The following CNTN4 variants were observed in gnomAD, a reference collection of about 807,000 sequenced individuals.
CNTN4 encodes contactin 4.
A neutral mutation model predicts 122.5 loss-of-function variants in CNTN4; 77 were observed. The ratio of observed to expected loss-of-function variants is 0.63; its 90% CI spans 0.52 to 0.76. The LOEUF is 0.76. Ranked by LOEUF, CNTN4 falls within the 30% of genes least tolerant of loss-of-function variation. The pLI is 0.00. For synonymous variants in CNTN4, 512 were observed against 447.0 expected, an observed-to-expected ratio of 1.15 and a Z score of -1.83; for missense variants, 1,256 against 1,259.1, an observed-to-expected ratio of 1.00 and a Z score of 0.04.
At chr3:2,487,750 A>G (rs761287654) in intron 3 of CNTN4, among the ~76,000 whole-genome samples, 3 of 152,232 alleles carry the variant, frequency 2.0e-5, no homozygotes, top group Non-Finnish European at 4.4e-5. Context: ...TTTGAAATAC[A>G]TGAGAAACTG....
intron 3 of CNTN4, among the ~76,000 whole-genome samples, chr3:2,400,675 G>A (rs1442012604): frequency 1.3e-5 from 2 of 150,364 alleles, no homozygotes; most frequent in Non-Finnish European, 3.0e-5. Flanking sequence ...TGGTGCAAAA[G>A]CCATGACTAT....
At chr3:2,950,239 A>G (rs4684373) in intron 13 of CNTN4, among the ~76,000 whole-genome samples, 77,017 of 152,060 alleles carry the variant, frequency 0.51, 21,153 homozygotes, top group Non-Finnish European at 0.62. Flanking sequence ...ATGTGCTGAC[A>G]TGGGAGTTGC....
rs140346972 is a variant in CNTN4, at chr3:2,113,450, T to C, written c.-145+12811T>C. ...GCTTGTGAGAAATGCAGAAATTTTT[T>C]CCTCACGCAGATGCACTGTATCAGA... On this transcript the variant is annotated intron_variant, in intron 2 of 24. Transcript: ENST00000418658. Among the ~76,000 whole-genome samples the C allele has an allele frequency of 1.4e-4, 21 of 152,358 alleles. No homozygotes were observed. The East Asian group carries it at 3.7e-3, about 27-fold the overall frequency.
intron 13 of CNTN4, among the ~76,000 whole-genome samples, chr3:2,961,767 C>T (rs946302891): frequency 6.6e-6 from 1 of 152,130 alleles, no homozygotes; most frequent in Non-Finnish European, 1.5e-5. Flanking sequence ...AATAAGCAGA[C>T]TGGAGTTTAG....
chr3:2,232,395 G>A (rs1352136801), intron 2 of CNTN4, among the ~76,000 whole-genome samples: 4 of 152,102 alleles, frequency 2.6e-5, no homozygotes, highest in Non-Finnish European at 5.9e-5. Flanking sequence ...TACTCCAAAT[G>A]TTTGATGAGT....
At chr3:2,338,265 T>C (rs570650866) in intron 2 of CNTN4, among the ~76,000 whole-genome samples, 17 of 152,148 alleles carry the variant, frequency 1.1e-4, no homozygotes, top group African/African-American at 4.1e-4. Context: ...GTATTTAATA[T>C]AGAGATGAAT....
chr3:2,659,003 C>T (rs2083740500), intron 4 of CNTN4, among the ~76,000 whole-genome samples: 1 of 146,718 alleles, frequency 6.8e-6, no homozygotes, highest in Non-Finnish European at 1.5e-5. Context: ...CACACACACA[C>T]ACACACAGAA....
rs149298494 is a variant in CNTN4, at chr3:2,997,050, T to G, written c.1486+8578T>G. Among the ~76,000 whole-genome samples the G allele has an allele frequency of 8.4e-3, 1,283 of 152,314 alleles. 60 individuals are homozygous for G. Among genetic ancestry groups the G allele is most frequent in the Admixed American group, 0.077 (1,176 of 15,294 alleles). The stretch of plus-strand genomic sequence containing the variant: ...CTATTCCTTTACTGAAGGAAAGAAA[T>G]GGTTTATGTTAAGCTTTTCAGTTCA... On this transcript the variant is annotated intron_variant, in intron 14 of 24. Transcript: ENST00000418658.
chr3:2,273,606 C>T (rs955650571), intron 2 of CNTN4, among the ~76,000 whole-genome samples: 2 of 152,140 alleles, frequency 1.3e-5, no homozygotes, highest in African/African-American at 4.8e-5. Flanking sequence ...CTTGAATATT[C>T]AAGTTTGTTT....
intron 3 of CNTN4, among the ~76,000 whole-genome samples, chr3:2,542,306 T>C (rs2078064030): frequency 6.6e-6 from 1 of 152,112 alleles, no homozygotes; most frequent in African/African-American, 2.4e-5. Flanking sequence ...AAATCTCTAA[T>C]AGTCAGATAG....
At position 2,769,464 on chromosome 3, in the gene CNTN4, CAA is replaced by C. The variant is rs71058643; in HGVS notation, c.358+23780_358+23781del. 8.0e-4 allele frequency among the ~76,000 whole-genome samples: 109 copies of C among 137,040 alleles called. 1 individual carries two copies. Among genetic ancestry groups the C allele is most frequent in the African/African-American group, 2.8e-3 (104 of 36,694 alleles). 89.9% of individuals were successfully genotyped at this position (137,040 alleles called of 152,430 possible). On this transcript the variant is annotated intron_variant, in intron 6 of 24. Coordinates refer to ENST00000418658, the MANE Select transcript of CNTN4 (RefSeq NM_175607.3). ...TGGGCAACAGAGTGAGACTCTGTCT[CAA>C]AAAAAAAAAAAACAGAAACAAAACA...
At chr3:2,880,239 A>G (rs895240136) in intron 8 of CNTN4, among the ~76,000 whole-genome samples, 1 of 152,180 alleles carries the variant, frequency 6.6e-6, no homozygotes, top group Non-Finnish European at 1.5e-5. Context: ...AAACCTGACC[A>G]CTTCTAAGAC....
chr3:3,038,902 G>T (rs749539845), intron 18 of CNTN4, 31 bp from the exon 19 acceptor site: 14 of 1,608,278 alleles, frequency 8.7e-6, no homozygotes, highest in Non-Finnish European at 1.2e-5. Context: ...TTTGCCGCCT[G>T]ACATAACTTG....
chr3:2,657,716 G>A (rs2083658449), intron 4 of CNTN4, among the ~76,000 whole-genome samples: 1 of 152,076 alleles, frequency 6.6e-6, no homozygotes, highest in Non-Finnish European at 1.5e-5. Flanking sequence ...GGTAGAGATA[G>A]ATATTCAAAA....
At chr3:2,759,713 C>CAAAA (rs71058642) in intron 6 of CNTN4, among the ~76,000 whole-genome samples, 1 of 141,834 alleles carries the variant, frequency 7.1e-6, no homozygotes, top group Non-Finnish European at 1.5e-5. Context: ...GACTCTGTCT[C>CAAAA]AAAAAAAAAA....
chr3:2,810,346 T>C (rs2092575084), intron 6 of CNTN4, among the ~76,000 whole-genome samples: 1 of 152,188 alleles, frequency 6.6e-6, no homozygotes, highest in South Asian at 2.1e-4. Flanking sequence ...GTGGTTAAAT[T>C]GCCAAAGTTA....
In CNTN4 at chr3:2,385,494, T is replaced by C. The variant is rs1396956893; in HGVS notation, c.-89+46261T>C. On this transcript the variant is annotated intron_variant, in intron 3 of 24. Coordinates refer to ENST00000418658, the MANE Select transcript of CNTN4 (RefSeq NM_175607.3). This position sits in a 1 kb window ranked among gnomAD's most constrained non-coding sequence, Gnocchi z 4.0. ...CCACAGCAAAGTACCATACACAGGG[T>C]GACTTAAAATGACAGAAGTTTATTC... Among the ~76,000 whole-genome samples, 2 of 152,028 alleles carry C rather than the reference T, an allele frequency of 1.3e-5. No homozygotes were observed. The highest frequency in any genetic ancestry group is 2.9e-5 in the Non-Finnish European group (2 of 68,030).
intron 7 of CNTN4, among the ~76,000 whole-genome samples, chr3:2,824,272 G>A (rs2092938945): frequency 6.6e-6 from 1 of 151,878 alleles, no homozygotes; most frequent in Non-Finnish European, 1.5e-5. Flanking sequence ...GATCAGCCTG[G>A]CCAACATAGA....
intron 6 of CNTN4, among the ~76,000 whole-genome samples, chr3:2,762,331 A>G (rs1386808824): frequency 6.6e-6 from 1 of 152,186 alleles, no homozygotes; most frequent in African/African-American, 2.4e-5. Context: ...CATAGTACCC[A>G]TTAGTTATTT....
Sources: allele counts gnomAD v4.1 joint callset (sites outside exome capture counted in the v4.1 genomes callset), GRCh38; gene constraint gnomAD v4.1.1; non-coding constraint Gnocchi (gnomAD v3.1); transcripts MANE v1.5; gene names NCBI Gene and HGNC (gene_info 2026-07-23, HGNC 2026-07-21).